The following SOX6 variants were observed in gnomAD, a reference collection of about 807,000 sequenced individuals.
SOX6 encodes the protein SRY-box transcription factor 6, also known as transcription factor SOX-6.
SOX6 carries 11 observed loss-of-function variants against 97.8 expected under a neutral mutation model. That is an observed-to-expected ratio of 0.11 (90% confidence interval 0.07 to 0.19). The LOEUF is 0.19. SOX6 is among the 10% of genes least tolerant of loss of function. The probability of loss-of-function intolerance (pLI) is 1.00; values close to 1 mark genes in which losing one functional copy is unlikely to be tolerated. For synonymous variants in SOX6, 360 were observed against 371.4 expected (o/e 0.97, Z 0.35); for missense variants, 810 against 1,039.5 (o/e 0.78, Z 3.04).
In SOX6 at chr11:16,129,316, A is replaced by T. The variant is rs1410641635; in HGVS notation, c.778-17393T>A. On this transcript the variant is annotated intron_variant, in intron 6 of 15. Transcript: ENST00000683767. Reference sequence around the variant, plus strand: ...CTCACTTCTGGCAAAATTGATACAAAATTTTATTTTCTGATAATTGCCTCT... The same window carrying T: ...CTCACTTCTGGCAAAATTGATACAATATTTTATTTTCTGATAATTGCCTCT... Among the ~76,000 whole-genome samples the T allele has an allele frequency of 2.0e-5, 3 of 152,186 alleles. No individual in the cohort carries two copies. The East Asian group carries it at 5.8e-4, about 29-fold the overall frequency.
Position 16,637,697 on chromosome 11 carries a change from G to A in SOX6, n.430-25437C>T, listed in dbSNP as rs544365347. Among the ~76,000 whole-genome samples, 3 of 152,202 alleles carry A rather than the reference G, an allele frequency of 2.0e-5. No individual in the cohort carries two copies. The South Asian group carries it at 6.2e-4, about 32-fold the overall frequency. On this transcript the variant is annotated intron_variant and non_coding_transcript_variant, in intron 3 of 5. Coordinates refer to the SOX6 transcript ENST00000524520. ...TATTTCCTTCTCATCTAAGAATGAG[G>A]GTGGGTATTCCAAGGTCACGGATAT...
intron 1 of SOX6, among the ~76,000 whole-genome samples, chr11:16,457,917 G>A (rs886159030): frequency 1.3e-5 from 2 of 151,904 alleles, no homozygotes; most frequent in Non-Finnish European, 2.9e-5. Context: ...TCACAAAATT[G>A]TTTCATTGAC....
chr11:16,092,538 A>G (rs1848714531), intron 9 of SOX6, among the ~76,000 whole-genome samples: 1 of 151,994 alleles, frequency 6.6e-6, no homozygotes, highest in Non-Finnish European at 1.5e-5. Context: ...TCACTGTTTC[A>G]TAAACAAAAT....
chr11:16,358,333 T>C (rs544672135), upstream of SOX6, among the ~76,000 whole-genome samples: 2 of 152,220 alleles, frequency 1.3e-5, no homozygotes, highest in African/African-American at 4.8e-5. Context: ...CCAGGACAAA[T>C]CATTACATTG....
At chr11:16,374,097 A>G (rs1052441375) in intron 1 of SOX6, among the ~76,000 whole-genome samples, 1 of 152,092 alleles carries the variant, frequency 6.6e-6, no homozygotes, top group Admixed American at 6.6e-5. Context: ...ATGCTATATC[A>G]TACTGACTTA....
chr11:16,242,817 C>CA (rs1433109222), intron 3 of SOX6, among the ~76,000 whole-genome samples: 2 of 151,862 alleles, frequency 1.3e-5, no homozygotes, highest in African/African-American at 4.8e-5. Context: ...TATATATTGG[C>CA]AATCCACAAA....
chr11:16,340,244 G>C (rs1374778170), intron 2 of SOX6, among the ~76,000 whole-genome samples: 1 of 151,978 alleles, frequency 6.6e-6, no homozygotes, highest in African/African-American at 2.4e-5. Context: ...CAAAGATTAA[G>C]AAATGCAAAA....
chr11:16,486,570 A>C (rs1860437517), intron 4 of SOX6, among the ~76,000 whole-genome samples: 1 of 152,182 alleles, frequency 6.6e-6, no homozygotes, highest in Non-Finnish European at 1.5e-5. Context: ...ATTAAAATAA[A>C]AAAATTGTGG....
Position 15,972,846 on chromosome 11 carries a change from C to G in SOX6, c.2450G>C (p.Ser817Thr). ...YEDDPKSDYS[S>T]ENEAPEAVSA... ...GACAGCCTCCGGGGCTTCATTTTCA[C>G]TGCTATAGTCTGATTTGGGGTCATC... The change falls in exon 16 of 16, where the codon AGT (serine) becomes ACT (threonine). Residue 817 changes from serine to threonine, a missense_variant. By Grantham distance (58) the Ser-to-Thr change is moderately conservative. Around this residue, in one of 9 missense-constraint regions of SOX6, gnomAD observed 122 missense variants for 153.4 expected, o/e 0.80. Transcript: ENST00000683767. The G allele has an allele frequency of 6.2e-7, 1 of 1,614,228 alleles. No individual in the cohort carries two copies. Among genetic ancestry groups the G allele is most frequent in the Non-Finnish European group, 8.5e-7 (1 of 1,180,034 alleles).
intron 4 of SOX6, among the ~76,000 whole-genome samples, chr11:16,225,112 T>C (rs951962118): frequency 1.3e-5 from 2 of 152,092 alleles, no homozygotes; most frequent in East Asian, 1.9e-4. Context: ...TAGATCAATA[T>C]AGCATTTGTT....
chr11:16,038,313 C>T (rs79733041), intron 12 of SOX6, among the ~76,000 whole-genome samples: 2,121 of 152,154 alleles, frequency 0.014, 44 homozygotes, highest in African/African-American at 0.049. Flanking sequence ...AACCCTTGTG[C>T]ATAGAAACTA....
intron 4 of SOX6, among the ~76,000 whole-genome samples, chr11:16,200,439 T>C (rs1851903609): frequency 6.6e-6 from 1 of 152,244 alleles, no homozygotes; most frequent in Non-Finnish European, 1.5e-5. Flanking sequence ...TGGGTATTTG[T>C]AGCTAGTTTC....
rs1038411426 is a variant in SOX6 at position 16,184,040 on chromosome 11, A to G, written c.709-86T>C. The G allele has an allele frequency of 4.2e-6, 5 of 1,178,310 alleles. No individual in the cohort carries two copies. In the African/African-American group the frequency reaches 6.1e-5, roughly 14 times the overall value. The allele number at this position is 1,178,310 out of a possible 1,614,324, so 73.0% of individuals were successfully genotyped here. A position where few individuals can be genotyped will look rare whatever the true frequency, so the allele number is the denominator to read the frequency against. On this transcript the variant is annotated intron_variant, in intron 5 of 15. Coordinates refer to ENST00000683767, the MANE Select transcript of SOX6 (RefSeq NM_001367873.1). ...AGGTATTTCTCCTGGTATTACAACA[A>G]TCTTTTACCGCACCTCTATGTGAAA...
intron 1 of SOX6, among the ~76,000 whole-genome samples, chr11:16,384,625 CAT>C (rs1857922824): frequency 6.6e-6 from 1 of 151,606 alleles, no homozygotes; most frequent in Non-Finnish European, 1.5e-5. Context: ...TCTAGGAAAA[CAT>C]AGAAATGAAC....
chr11:15,990,512 T>C (rs1854015831), intron 13 of SOX6, among the ~76,000 whole-genome samples: 1 of 151,970 alleles, frequency 6.6e-6, no homozygotes, highest in Non-Finnish European at 1.5e-5. Flanking sequence ...TAGGATTCAA[T>C]AAAGTACTTG....
At position 16,049,861 on chromosome 11, in the gene SOX6, G is replaced by T; in HGVS notation, c.1329C>A (p.Pro443=). The T allele has an allele frequency of 6.2e-7, 1 of 1,613,836 alleles. No homozygotes were observed. The highest frequency in any genetic ancestry group is 8.5e-7 in the Non-Finnish European group (1 of 1,179,816). ...TGCTGGCTGGGAAGAGGTTCTGGGT[G>T]GGAGACGTTGGGGACTTTACAGGCT... The part of the protein sequence containing the change: ...TAEPVKSPTS[P]TQNLFPASKT... The change falls in exon 11 of 16, where the codon CCC becomes CCA. Residue 443 remains proline (P), a synonymous_variant. Coordinates refer to ENST00000683767, the MANE Select transcript of SOX6 (RefSeq NM_001367873.1).
chr11:16,008,987 T>C (rs559325636), intron 13 of SOX6, among the ~76,000 whole-genome samples: 1 of 152,194 alleles, frequency 6.6e-6, no homozygotes. Flanking sequence ...GAGATGCTAT[T>C]GCCTATTCAT....
chr11:16,650,006 G>T lies in SOX6; in HGVS notation n.430-37746C>A, dbSNP rs192293970. 7.9e-3 allele frequency among the ~76,000 whole-genome samples: 1,198 copies of T among 152,116 alleles called. 14 individuals carry two copies. The highest frequency in any genetic ancestry group is 0.028 in the African/African-American group (1,142 of 41,500). On this transcript the variant is annotated intron_variant and non_coding_transcript_variant, in intron 3 of 5. Transcript: ENST00000524520. ...GCTACTTTTATACCAGACAAAATAG[G>T]CTTTAAAGCAACAACAGTATAAAAA... is the stretch of plus-strand genomic sequence containing the variant.
chr11:16,583,895 C>T (rs1278857800), intron 4 of SOX6, among the ~76,000 whole-genome samples: 2 of 151,868 alleles, frequency 1.3e-5, no homozygotes, highest in Non-Finnish European at 2.9e-5. Flanking sequence ...TATAAGAGTT[C>T]CTTTTCTCTG....
Sources: gnomAD v4.1 joint callset for allele counts (sites outside exome capture counted in the v4.1 genomes callset) on GRCh38, gnomAD v4.1.1 for gene constraint, gnomAD v4.1.1 regional missense constraint, MANE v1.5 for transcripts, NCBI Gene and HGNC (gene_info 2026-07-23, HGNC 2026-07-21) for gene names.